The following MARCHF3 variants were observed in gnomAD, a reference collection of about 807,000 sequenced individuals.
The protein encoded by MARCHF3 is membrane associated ring-CH-type finger 3.
MARCHF3 carries 13 observed loss-of-function variants against 24.2 expected under a neutral mutation model. The ratio of observed to expected loss-of-function variants is 0.54; its 90% CI spans 0.35 to 0.85. The LOEUF (loss-of-function observed/expected upper bound fraction) is 0.85. Among genes scored for constraint, MARCHF3 ranks in the 40% least tolerant of loss-of-function variants. The probability of loss-of-function intolerance (pLI) is 0.01; values close to 1 mark genes in which losing one functional copy is unlikely to be tolerated. For missense variants in MARCHF3, 276 were observed against 325.0 expected, an observed-to-expected ratio of 0.85 and a Z score of 1.16; for synonymous variants, 144 against 137.3, an observed-to-expected ratio of 1.05 and a Z score of -0.34.
chr5:126,895,649 TGAG>T (rs1353843547), intron 3 of MARCHF3, among the ~76,000 whole-genome samples: 2 of 152,120 alleles, frequency 1.3e-5, no homozygotes, highest in African/African-American at 4.8e-5. Context: ...GGGACCCACT[TGAG>T]GAGGCAGTCT....
rs184117987 is a variant in MARCHF3 at position 126,929,760 on chromosome 5, C to T, written c.-56-11533G>A. Among the ~76,000 whole-genome samples the T allele has an allele frequency of 1.6e-4, 25 of 152,238 alleles. No individual in the cohort carries two copies. The East Asian group carries it at 2.1e-3, about 13-fold the overall frequency. ...TGAATTGTAGTTCCCATAATTCCCA[C>T]GTATTGTGGGAGGGACCTGGTGGGA... is the stretch of plus-strand genomic sequence containing the variant. On this transcript the variant is annotated intron_variant, in intron 1 of 4. Transcript: ENST00000308660.
intron 4 of MARCHF3, among the ~76,000 whole-genome samples, chr5:126,872,077 T>C (rs1259447890): frequency 6.8e-6 from 1 of 146,406 alleles, no homozygotes; most frequent in African/African-American, 2.5e-5. Flanking sequence ...TCCTTGTCTT[T>C]TTTTTTTTTT....
intron 4 of MARCHF3, among the ~76,000 whole-genome samples, chr5:126,871,063 G>A (rs994674544): frequency 6.6e-6 from 1 of 152,138 alleles, no homozygotes; most frequent in Non-Finnish European, 1.5e-5. Context: ...GGATATAAAT[G>A]GGAAAATGAG....
chr5:126,892,906 A>G (rs1753746627), intron 3 of MARCHF3, among the ~76,000 whole-genome samples: 1 of 151,706 alleles, frequency 6.6e-6, no homozygotes, highest in African/African-American at 2.4e-5. Context: ...TCAGCTGTGA[A>G]TCCATCTGGT....
At chr5:127,021,100 T>A (rs948802312) in intron 1 of MARCHF3, among the ~76,000 whole-genome samples, 1 of 152,056 alleles carries the variant, frequency 6.6e-6, no homozygotes, top group Non-Finnish European at 1.5e-5. Flanking sequence ...CCAAACAGAC[T>A]AAGATATCAT....
chr5:126,911,307 C>T (rs188029824), intron 3 of MARCHF3, among the ~76,000 whole-genome samples: 3 of 152,202 alleles, frequency 2.0e-5, no homozygotes, highest in South Asian at 4.2e-4. Context: ...AAATCACTAA[C>T]AAAAACTTGC....
chr5:126,985,224 A>G (rs73786259), intron 1 of MARCHF3, among the ~76,000 whole-genome samples: 7,836 of 152,222 alleles, frequency 0.051, 375 homozygotes, highest in South Asian at 0.14. Context: ...TTTATTTGTG[A>G]CAGTGAGCCA....
chr5:126,939,356 G>C (rs988633059), intron 1 of MARCHF3, among the ~76,000 whole-genome samples: 4 of 152,148 alleles, frequency 2.6e-5, no homozygotes, highest in African/African-American at 7.2e-5. Flanking sequence ...GTTGACAAAA[G>C]GTCCAGGAGC....
intron 1 of MARCHF3, among the ~76,000 whole-genome samples, chr5:127,023,006 A>G (rs1752861737): frequency 6.6e-6 from 1 of 152,208 alleles, no homozygotes; most frequent in African/African-American, 2.4e-5. Context: ...AATTCAGCTG[A>G]TCCTTGGTCT....
At chr5:127,016,644 C>T (rs569373122) in intron 1 of MARCHF3, among the ~76,000 whole-genome samples, 2 of 152,098 alleles carry the variant, frequency 1.3e-5, no homozygotes, top group Non-Finnish European at 1.5e-5. Context: ...AATAGGAATG[C>T]TTTTACACTG....
At chr5:126,872,335 C>T (rs1580584604) in intron 4 of MARCHF3, among the ~76,000 whole-genome samples, 1 of 152,162 alleles carries the variant, frequency 6.6e-6, no homozygotes, top group East Asian at 1.9e-4. Flanking sequence ...GCTGGGATTA[C>T]AGGCGTGAAC....
intron 1 of MARCHF3, among the ~76,000 whole-genome samples, chr5:126,964,209 G>C (rs1171507223): frequency 6.6e-6 from 1 of 152,122 alleles, no homozygotes; most frequent in African/African-American, 2.4e-5. Context: ...TAAATCCACA[G>C]ATCAAAAAAC....
At chr5:126,873,755 T>C (rs997116881) in intron 4 of MARCHF3, among the ~76,000 whole-genome samples, 1 of 152,252 alleles carries the variant, frequency 6.6e-6, no homozygotes, top group African/African-American at 2.4e-5. Context: ...TAATTGTGGT[T>C]AATCACTACA....
chr5:126,960,549 C>T (rs1306701968), intron 1 of MARCHF3, among the ~76,000 whole-genome samples: 1 of 148,658 alleles, frequency 6.7e-6, no homozygotes, highest in African/African-American at 2.6e-5. Flanking sequence ...AATTTTTTAA[C>T]ACTTATTAAT....
chr5:126,956,225 T>C (rs539569817), intron 1 of MARCHF3, among the ~76,000 whole-genome samples: 2 of 152,362 alleles, frequency 1.3e-5, no homozygotes, highest in South Asian at 4.1e-4. Context: ...TAACGATTTC[T>C]TTTGTCTTCA....
chr5:126,927,960 C>T (rs890656175), intron 1 of MARCHF3, among the ~76,000 whole-genome samples: 3 of 152,190 alleles, frequency 2.0e-5, no homozygotes, highest in South Asian at 2.1e-4. Context: ...TACCCTTACA[C>T]GTTTTCATCT....
At chr5:126,965,982 GT>G (rs1397996635) in intron 1 of MARCHF3, among the ~76,000 whole-genome samples, 1 of 152,184 alleles carries the variant, frequency 6.6e-6, no homozygotes, top group Admixed American at 6.5e-5. Context: ...GTATATTGAT[GT>G]AATGAATTAC....
chr5:126,870,757 T>C lies in MARCHF3; in HGVS notation c.638A>G (p.Glu213Gly). ...CACCCTCTGATTGGTCCGACGCCAC[T>C]CGTTGTACAATCGACAGTGGTACCT... is the stretch of plus-strand genomic sequence containing the variant. Reference protein sequence around the residue: ...SFRYHCRLYNEWRRTNQRVIL... With the variant: ...SFRYHCRLYNGWRRTNQRVIL... The change falls in exon 5 of 5, where the codon GAG (glutamate) becomes GGG (glycine). Residue 213 changes from glutamate to glycine, a missense_variant. Transcript: ENST00000308660. The C allele has an allele frequency of 1.9e-6, 3 of 1,614,206 alleles. No individual in the cohort carries two copies. The highest frequency in any genetic ancestry group is 2.5e-6 in the Non-Finnish European group (3 of 1,180,040).
At chr5:126,902,096 T>TGA (rs2126783487) in intron 3 of MARCHF3, among the ~76,000 whole-genome samples, 1 of 152,238 alleles carries the variant, frequency 6.6e-6, no homozygotes, top group South Asian at 2.1e-4. Context: ...ATCTGTCTCT[T>TGA]CTGTTAACTT....
Sources: gnomAD v4.1 joint callset for allele counts (sites outside exome capture counted in the v4.1 genomes callset) on GRCh38, gnomAD v4.1.1 for gene constraint, MANE v1.5 for transcripts, NCBI Gene and HGNC (gene_info 2026-07-23, HGNC 2026-07-21) for gene names.